Variants in BSCL2 observed in about 807,000 individuals in gnomAD.
BSCL2 encodes the protein BSCL2 lipid droplet biogenesis associated, seipin, also known as seipin.
BSCL2 carries 41 observed loss-of-function variants against 57.4 expected under a neutral mutation model. The observed-to-expected ratio is 0.71, with a 90% CI of 0.56 to 0.93. BSCL2 has a LOEUF of 0.93. Among genes scored for constraint, BSCL2 ranks in the 40% least tolerant of loss-of-function variants. BSCL2 has a pLI of 0.00. For synonymous variants in BSCL2, 237 were observed against 227.3 expected (o/e 1.04, Z -0.38); for missense variants, 539 against 586.7 (o/e 0.92, Z 0.84).
chr11:62,707,633 C>A, upstream of BSCL2: 1 of 485,370 alleles, frequency 2.1e-6, no homozygotes, highest in Non-Finnish European at 3.8e-6. Context: ...CTAGGCTCCC[C>A]CACTGGCCAG....
chr11:62,697,121 G>C (rs186478779), intron 3 of BSCL2, among the ~76,000 whole-genome samples: 1 of 152,090 alleles, frequency 6.6e-6, no homozygotes, highest in East Asian at 1.9e-4. Flanking sequence ...CCGGCCGGGC[G>C]CGGTGGCTCA....
At chr11:62,709,198 C>T, upstream of BSCL2, 1 of 457,100 alleles carries the variant, frequency 2.2e-6, no homozygotes, top group Non-Finnish European at 4.4e-6. Context: ...CATCCAGAGC[C>T]TCAGGACAGC....
intron 2 of BSCL2, among the ~76,000 whole-genome samples, chr11:62,703,500 C>T (rs886297854): frequency 1.3e-5 from 2 of 151,504 alleles, no homozygotes; most frequent in African/African-American, 4.8e-5. Context: ...CAACAGGCGC[C>T]TGCCACCACG....
rs776986432 is a variant in BSCL2 at position 62,691,383 on chromosome 11, A to G, written c.902T>C (p.Ile301Thr). 1.9e-6 allele frequency: 3 copies of G among 1,614,072 alleles called. No homozygotes were observed. Among genetic ancestry groups the G allele is most frequent in the African/African-American group, 2.7e-5 (2 of 74,926 alleles). Reference protein sequence around the residue: ...LYNFPMTCAFIGVASNFTFLS... With the variant: ...LYNFPMTCAFTGVASNFTFLS... The stretch of plus-strand genomic sequence containing the variant: ...GAAGGTGAAGTTGCTGGCAACACCT[A>G]TGAAGGCGCAGGTCATCGGGAAGTT... Residue 301 changes from isoleucine (I) to threonine (T), a missense_variant, in exon 7 of 11, where the codon ATA (isoleucine) becomes ACA (threonine). Physicochemically the swap from Ile to Thr is moderately conservative, Grantham distance 89. Around this residue, in one of 3 missense-constraint regions of BSCL2, gnomAD observed 248 missense variants for 239.9 expected, o/e 1.03. Coordinates refer to ENST00000360796, the MANE Select transcript of BSCL2 (RefSeq NM_001122955.4).
At chr11:62,709,380 C>T (rs1282180436), upstream of BSCL2, 5 of 453,832 alleles carry the variant, frequency 1.1e-5, no homozygotes, top group African/African-American at 1.0e-4. Flanking sequence ...GTACAAAAGA[C>T]GCTCAAGAGG....
rs60839685 is a variant in BSCL2 at position 62,704,568 on chromosome 11, C to CA, written c.404+732dup. Among the ~76,000 whole-genome samples the CA allele has an allele frequency of 1.4e-3, 205 of 150,216 alleles. 2 individuals are homozygous for CA. The highest frequency in any genetic ancestry group is 4.7e-3 in the African/African-American group (191 of 40,708). ...CTCAAAAACAAAAACAATAACAAAA[C>CA]AAAAAAAAACCCATCTCTACTAAAA... On this transcript the variant is annotated intron_variant, in intron 2 of 10. Coordinates refer to ENST00000360796, the MANE Select transcript of BSCL2 (RefSeq NM_001122955.4).
intron 6 of BSCL2, 83 bp downstream of exon 6, chr11:62,692,293 C>T (rs1945332142): frequency 7.1e-7 from 1 of 1,411,578 alleles, no homozygotes; most frequent in Non-Finnish European, 9.9e-7. Flanking sequence ...TCTGTAAACC[C>T]ATTACCTCTG....
At chr11:62,708,068 T>C (rs1183379750), upstream of BSCL2, 2 of 577,986 alleles carry the variant, frequency 3.5e-6, no homozygotes, top group East Asian at 5.8e-5. Context: ...TAAGGTTTAA[T>C]GATCTGTGGC....
Position 62,704,142 on chromosome 11 carries a change from AAAG to A in BSCL2, c.404+1156_404+1158del, listed in dbSNP as rs545898111. Among the ~76,000 whole-genome samples, 539 of 147,150 alleles carry A rather than the reference AAAG, an allele frequency of 3.7e-3. 5 individuals carry two copies. The highest frequency in any genetic ancestry group is 5.7e-3 in the Non-Finnish European group (378 of 66,670). On this transcript the variant is annotated intron_variant, in intron 2 of 10. Coordinates refer to ENST00000360796, the MANE Select transcript of BSCL2 (RefSeq NM_001122955.4). ...TCTGTCTCAAAAAGAAAAAAAAAAA[AAAG>A]AAGAAGAAGAAGAGACCTTGGTGGG...
chr11:62,691,266 T>C lies in BSCL2; in HGVS notation c.1005+14A>G, dbSNP rs962501421. The C allele has an allele frequency of 6.2e-7, 1 of 1,614,058 alleles. No homozygotes were observed. The highest frequency in any genetic ancestry group is 1.3e-5 in the African/African-American group (1 of 74,928). ...AGATCAAAGGGACAAAAGGGGGTCC[T>C]TGCCCCTTTCGACCTGCAAAGAGAA... is the stretch of plus-strand genomic sequence containing the variant. On this transcript the variant is annotated intron_variant, in intron 7 of 10. Transcript: ENST00000360796.
intron 3 of BSCL2, among the ~76,000 whole-genome samples, chr11:62,695,614 G>C (rs908622736): frequency 6.6e-6 from 1 of 150,626 alleles, no homozygotes; most frequent in Non-Finnish European, 1.5e-5. Context: ...AGGAGGCTGA[G>C]GCAGGAGAAT....
intron 4 of BSCL2, 96 bp from the exon 5 acceptor site, chr11:62,692,893 C>A: frequency 6.5e-7 from 1 of 1,533,800 alleles, no homozygotes; most frequent in Non-Finnish European, 8.9e-7. Context: ...TCTATGAAGG[C>A]GGCTTCTTCC....
intron 3 of BSCL2, among the ~76,000 whole-genome samples, chr11:62,701,409 T>C (rs1167974470): frequency 6.6e-6 from 1 of 152,206 alleles, no homozygotes; most frequent in Admixed American, 6.6e-5. Context: ...ATAGCTTACT[T>C]AGCCTAGCCT....
intron 3 of BSCL2, among the ~76,000 whole-genome samples, chr11:62,695,994 G>A (rs561385288): frequency 6.6e-6 from 1 of 152,114 alleles, no homozygotes; most frequent in African/African-American, 2.4e-5. Flanking sequence ...CCAAGATGGT[G>A]AAACTCTGTC....
At position 62,690,578 on chromosome 11, in the gene BSCL2, C is replaced by T. The variant is rs755130483; in HGVS notation, c.1234+34G>A. On this transcript the variant is annotated intron_variant, in intron 10 of 10. Transcript: ENST00000360796. Reference sequence around the variant, plus strand: ...AATGGGATATTAGATTAACCGGGGGCCCCACCCAGGTCACGCTGCAGGATG... The same window carrying T: ...AATGGGATATTAGATTAACCGGGGGTCCCACCCAGGTCACGCTGCAGGATG... 7 of 1,613,984 alleles carry T rather than the reference C, an allele frequency of 4.3e-6. No individual in the cohort carries two copies. The South Asian group carries it at 7.7e-5, about 18-fold the overall frequency.
intron 1 of BSCL2, chr11:62,706,011 G>A: frequency 4.6e-6 from 1 of 217,082 alleles, no homozygotes; most frequent in Non-Finnish European, 8.9e-6. Context: ...GCCTAAGGTC[G>A]CACGGCCTGA....
chr11:62,691,700 A>G (rs1484969951), intron 6 of BSCL2, among the ~76,000 whole-genome samples: 1 of 152,156 alleles, frequency 6.6e-6, no homozygotes, highest in Non-Finnish European at 1.5e-5. Flanking sequence ...CCAACGGTTC[A>G]AAAGAGTAGC....
At position 62,690,573 on chromosome 11, in the gene BSCL2, G is replaced by T. The variant is rs547938973; in HGVS notation, c.1234+39C>A. On this transcript the variant is annotated intron_variant, in intron 10 of 10. Transcript: ENST00000360796. ...TCTCAAATGGGATATTAGATTAACC[G>T]GGGGCCCCACCCAGGTCACGCTGCA... 6 of 1,613,946 alleles carry T rather than the reference G, an allele frequency of 3.7e-6. No individual in the cohort carries two copies. The Admixed American group carries it at 1.0e-4, about 27-fold the overall frequency.
intron 4 of BSCL2, among the ~76,000 whole-genome samples, chr11:62,694,193 TTC>T (rs1391032698): frequency 4.2e-5 from 5 of 118,526 alleles, no homozygotes; most frequent in African/African-American, 1.3e-4. Flanking sequence ...TACCCAGACA[TTC>T]TTTTTTTTTT....
Sources: allele counts gnomAD v4.1 joint callset (sites outside exome capture counted in the v4.1 genomes callset), GRCh38; gene constraint gnomAD v4.1.1; regional missense constraint gnomAD v4.1.1; transcripts MANE v1.5; gene names NCBI Gene and HGNC (gene_info 2026-07-23, HGNC 2026-07-21).